Variants in SLC25A39 observed in about 807,000 individuals in gnomAD.
SLC25A39 encodes solute carrier family 25 member 39.
Under a neutral mutation model 46.6 loss-of-function variants are expected in SLC25A39, and 44 were observed. The ratio of observed to expected loss-of-function variants is 0.94; its 90% CI spans 0.74 to 1.21. The LOEUF (loss-of-function observed/expected upper bound fraction) is 1.21, where lower values mean the gene tolerates loss of function less well. SLC25A39 is among the 50% of genes most tolerant of loss of function. The pLI is 0.00. For missense variants in SLC25A39, 487 were observed against 473.0 expected (o/e 1.03, Z -0.28); for synonymous variants, 218 against 190.6 (o/e 1.14, Z -1.19).
Position 44,323,336 on chromosome 17 carries a change from G to T in SLC25A39, c.93C>A (p.Pro31=). The change falls in exon 3 of 12, where the codon CCC becomes CCA. Residue 31 remains proline (P), a synonymous_variant. Coordinates refer to ENST00000377095, the MANE Select transcript of SLC25A39 (RefSeq NM_001143780.3). ...GCAGGCGAACCTTCACCACGTCCAG[G>T]GGTGTCACTGGGGGAGGAAGCGGGT... ...GAVVTSLFMT[P]LDVVKVRLQS... The T allele has an allele frequency of 6.2e-7, 1 of 1,611,406 alleles. No individual in the cohort carries two copies. Among genetic ancestry groups the T allele is most frequent in the Middle Eastern group, 1.7e-4 (1 of 5,996 alleles).
In SLC25A39 at chr17:44,321,709, G is replaced by A; in HGVS notation, c.383C>T (p.Pro128Leu). Residue 128 changes from proline (P) to leucine (L), a missense_variant, in exon 6 of 12, where the codon CCC becomes CTC. Transcript: ENST00000377095. ...EGTRTLWSGL[P>L]ATLVMTVPAT... ...GGACCCGGCTACTCACAGGGTGGCG[G>A]GGAGGCCGCTCCAGAGGGTCCTGGT... 1 of 1,611,934 alleles carries A rather than the reference G, an allele frequency of 6.2e-7. No homozygotes were observed. The highest frequency in any genetic ancestry group is 2.2e-5 in the East Asian group (1 of 44,830).
chr17:44,323,439 A>ACCCCCCCCCCCCCCCCCC, intron 2 of SLC25A39, 39 bp downstream of exon 2: 1 of 257,114 alleles, frequency 3.9e-6, no homozygotes, highest in South Asian at 5.2e-5. Flanking sequence ...GGTCTGCCCC[A>ACCCCCCCCCCCCCCCCCC]TCCCCACCCG....
chr17:44,321,716 C>T lies in SLC25A39; in HGVS notation c.376G>A (p.Gly126Ser), dbSNP rs777093138. The T allele has an allele frequency of 1.6e-5, 25 of 1,612,112 alleles. No homozygotes were observed. The highest frequency in any genetic ancestry group is 1.6e-4 in the Middle Eastern group (1 of 6,080). Residue 126 changes from glycine to serine, a missense_variant, in exon 6 of 12, where the codon GGC (glycine) becomes AGC (serine). By Grantham distance (56) the Gly-to-Ser change is moderately conservative (BLOSUM62 0). Transcript: ENST00000377095. ...RHEGTRTLWSGLPATLVMTVP... is the reference protein window; with the variant it reads ...RHEGTRTLWSSLPATLVMTVP... ...GCTACTCACAGGGTGGCGGGGAGGC[C>T]GCTCCAGAGGGTCCTGGTGCCCTCG... is the stretch of plus-strand genomic sequence containing the variant.
chr17:44,322,239 ACT>A (rs1207531093), intron 5 of SLC25A39, among the ~76,000 whole-genome samples, 178 bp downstream of exon 5: 1 of 152,038 alleles, frequency 6.6e-6, no homozygotes, highest in Non-Finnish European at 1.5e-5. Flanking sequence ...ACAGAGCGAG[ACT>A]CTGTCTAAAA....
At chr17:44,322,235 C>T (rs567490208) in intron 5 of SLC25A39, among the ~76,000 whole-genome samples, 184 bp downstream of exon 5, 1 of 152,098 alleles carries the variant, frequency 6.6e-6, no homozygotes, top group African/African-American at 2.4e-5. Context: ...GGTGACAGAG[C>T]GAGACTCTGT....
At position 44,321,246 on chromosome 17, in the gene SLC25A39, G is replaced by C. The variant is rs779033564; in HGVS notation, c.518-15C>G. 7 of 1,597,728 alleles carry C rather than the reference G, an allele frequency of 4.4e-6. No individual in the cohort carries two copies. Among genetic ancestry groups the C allele is most frequent in the Non-Finnish European group, 6.0e-6 (7 of 1,171,168 alleles). The stretch of plus-strand genomic sequence containing the variant: ...CACGGTGCCCACTGTGTGGGGATTG[G>C]GGGTGACAATGGGGAGAAGTGAGAT... On this transcript the variant is annotated splice_polypyrimidine_tract_variant and intron_variant, in intron 7 of 11. Coordinates refer to ENST00000377095, the MANE Select transcript of SLC25A39 (RefSeq NM_001143780.3).
chr17:44,321,973 C>T (rs779521098), intron 5 of SLC25A39, among the ~76,000 whole-genome samples: 5 of 152,184 alleles, frequency 3.3e-5, no homozygotes, highest in African/African-American at 9.7e-5. Flanking sequence ...AGGCCAGGCA[C>T]GGTGGCTCAC....
At chr17:44,323,439 A>AGACC in intron 2 of SLC25A39, 39 bp downstream of exon 2, 5 of 257,112 alleles carry the variant, frequency 1.9e-5, no homozygotes, top group Non-Finnish European at 2.3e-5. Context: ...GGTCTGCCCC[A>AGACC]TCCCCACCCG....
chr17:44,322,918 G>T, intron 3 of SLC25A39, 66 bp from the exon 4 acceptor site: 1 of 1,545,900 alleles, frequency 6.5e-7, no homozygotes, highest in South Asian at 1.1e-5. Flanking sequence ...CCATCTCTGG[G>T]AGATCTTTTT....
chr17:44,323,754 G>C (rs1042722876), intron 1 of SLC25A39, 177 bp from the exon 2 acceptor site: 6 of 587,376 alleles, frequency 1.0e-5, no homozygotes, highest in Non-Finnish European at 1.8e-5. Context: ...CGGTTCTCTT[G>C]CTTCAGCCTC....
chr17:44,323,439 A>ACCACCCCCCCCCCCCCCC, intron 2 of SLC25A39, 39 bp downstream of exon 2: 1 of 257,112 alleles, frequency 3.9e-6, no homozygotes, highest in Non-Finnish European at 5.7e-6. Context: ...GGTCTGCCCC[A>ACCACCCCCCCCCCCCCCC]TCCCCACCCG....
At position 44,321,563 on chromosome 17, in the gene SLC25A39, G is replaced by A. The variant is rs1335538930; in HGVS notation, c.393-5C>T. The A allele has an allele frequency of 1.2e-6, 2 of 1,613,790 alleles. No individual in the cohort carries two copies. The highest frequency in any genetic ancestry group is 2.2e-5 in the East Asian group (1 of 44,886). ...GTAGCTGGCACAGTCATCACCCTGG[G>A]GATACAGAGAGAGGTTAGCTGGGAC... On this transcript the variant is annotated splice_region_variant and splice_polypyrimidine_tract_variant and intron_variant, in intron 6 of 11. Coordinates refer to ENST00000377095, the MANE Select transcript of SLC25A39 (RefSeq NM_001143780.3).
chr17:44,321,348 C>T (rs770802821), intron 7 of SLC25A39, 86 bp downstream of exon 7: 13 of 1,599,564 alleles, frequency 8.1e-6, no homozygotes, highest in Non-Finnish European at 9.4e-6. Context: ...CCTAGGCTGG[C>T]AGAGGTTGGG....
At position 44,322,422 on chromosome 17, in the gene SLC25A39, G is replaced by A. The variant is rs369518388; in HGVS notation, c.321C>T (p.Thr107=). The change falls in exon 5 of 12, where the codon ACC becomes ACT. Residue 107 remains threonine (T), a synonymous_variant. Coordinates refer to ENST00000377095, the MANE Select transcript of SLC25A39 (RefSeq NM_001143780.3). Reference sequence around the variant, plus strand: ...TACGGACCCAGCTGCTCCTCACCATGGTGCCAGTGAAGCGGGTAGGGTCTT... The same window carrying A: ...TACGGACCCAGCTGCTCCTCACCATAGTGCCAGTGAAGCGGGTAGGGTCTT... ...WFQDPTRFTG[T]MDAFVKIVRH... The A allele has an allele frequency of 2.0e-5, 33 of 1,613,972 alleles. No homozygotes were observed. Among genetic ancestry groups the A allele is most frequent in the Non-Finnish European group, 3.4e-6 (4 of 1,180,018 alleles).
chr17:44,320,166 T>C (rs1169957557), intron 11 of SLC25A39, 30 bp downstream of exon 11: 1 of 1,613,808 alleles, frequency 6.2e-7, no homozygotes, highest in East Asian at 2.2e-5. Context: ...AGGTCCGCCA[T>C]GCCCCCACCC....
chr17:44,320,530 C>A, intron 9 of SLC25A39, 92 bp downstream of exon 9: 1 of 1,577,892 alleles, frequency 6.3e-7, no homozygotes, highest in South Asian at 1.1e-5. Context: ...GGACAAAGGC[C>A]TCATGGGGTC....
chr17:44,324,537 G>C (rs2048168268), intron 1 of SLC25A39, 174 bp downstream of exon 1: 1 of 152,262 alleles, frequency 6.6e-6, no homozygotes, highest in African/African-American at 2.4e-5. Flanking sequence ...TAGGAACGTA[G>C]GACCAGGACG....
chr17:44,320,630 A>C lies in SLC25A39; in HGVS notation c.793T>G (p.Ser265Ala). The C allele has an allele frequency of 2.5e-6, 4 of 1,613,898 alleles. No homozygotes were observed. Among genetic ancestry groups the C allele is most frequent in the Non-Finnish European group, 3.4e-6 (4 of 1,179,900 alleles). The change falls in exon 9 of 12, where the codon TCA becomes GCA. Residue 265 changes from serine (S) to alanine (A), a missense_variant. By Grantham distance (99) the Ser-to-Ala change is moderately conservative. Coordinates refer to ENST00000377095, the MANE Select transcript of SLC25A39 (RefSeq NM_001143780.3). ...CAGCCCAGTCCACTCACCGTCCCTG[A>C]GATGCCACCAGCCACAAAGCTCATG... is the stretch of plus-strand genomic sequence containing the variant. The part of the protein sequence containing the change: ...VGMSFVAGGI[S>A]GTVAAVLTLP...
chr17:44,323,439 A>AAGGCCCCCC, intron 2 of SLC25A39, 39 bp downstream of exon 2: 2 of 257,102 alleles, frequency 7.8e-6, no homozygotes, highest in Non-Finnish European at 5.7e-6. Context: ...GGTCTGCCCC[A>AAGGCCCCCC]TCCCCACCCG....
Sources: allele counts gnomAD v4.1 joint callset (sites outside exome capture counted in the v4.1 genomes callset), GRCh38; gene constraint gnomAD v4.1.1; transcripts MANE v1.5; gene names NCBI Gene and HGNC (gene_info 2026-07-23, HGNC 2026-07-21).